AGTPBP1: variants seen among roughly 807,000 people sequenced by gnomAD.
AGTPBP1 encodes cytosolic carboxypeptidase 1.
A neutral mutation model predicts 143.9 loss-of-function variants in AGTPBP1; 70 were observed. The observed-to-expected ratio is 0.49, with a 90% confidence interval of 0.40 to 0.59. The LOEUF (loss-of-function observed/expected upper bound fraction) is 0.59, where lower values mean the gene tolerates loss of function less well. Ranked by LOEUF, AGTPBP1 falls within the 20% of genes least tolerant of loss-of-function variation. AGTPBP1 has a pLI of 0.00. For missense variants in AGTPBP1, 1,229 were observed against 1,464.5 expected (o/e 0.84, Z 2.62); for synonymous variants, 463 against 500.2 (o/e 0.93, Z 0.99).
the AGTPBP1 span, among the ~76,000 whole-genome samples, chr9:85,780,603 C>G: frequency 1.3e-5 from 2 of 152,020 alleles, no homozygotes. Context: ...TTCTGGTGTT[C>G]TAAGGATAGG....
chr9:85,796,342 T>A, the AGTPBP1 span, among the ~76,000 whole-genome samples: 1 of 152,218 alleles, frequency 6.6e-6, no homozygotes, highest in African/African-American at 2.4e-5. Context: ...CATCAGTGGT[T>A]TAATATGTTA....
chr9:85,803,880 A>G, the AGTPBP1 span, among the ~76,000 whole-genome samples: 1 of 152,094 alleles, frequency 6.6e-6, no homozygotes, highest in Non-Finnish European at 1.5e-5. Flanking sequence ...TCTCTCTTGC[A>G]ATTATCTAGA....
the AGTPBP1 span, among the ~76,000 whole-genome samples, chr9:85,758,416 G>A: frequency 1.3e-5 from 2 of 152,170 alleles, no homozygotes; most frequent in East Asian, 1.9e-4. Flanking sequence ...AGGCCAAGGC[G>A]GGCAGGTCAC....
chr9:85,596,542 G>A, intron 17 of AGTPBP1, 93 bp from the exon 18 acceptor site: 1 of 760,430 alleles, frequency 1.3e-6, no homozygotes, highest in East Asian at 2.9e-5. Flanking sequence ...AAACATTCAG[G>A]AAAGCAGAAG....
At chr9:85,739,011 G>A (rs1824028794) in intron 1 of AGTPBP1, among the ~76,000 whole-genome samples, 1 of 152,098 alleles carries the variant, frequency 6.6e-6, no homozygotes, top group Non-Finnish European at 1.5e-5. Context: ...TATCTTAAGA[G>A]TATACACTAA....
chr9:85,743,782 A>C (rs1220925642), upstream of AGTPBP1, among the ~76,000 whole-genome samples: 3 of 152,160 alleles, frequency 2.0e-5, no homozygotes, highest in Admixed American at 1.3e-4. Flanking sequence ...GTCCACCAAC[A>C]CTGGCACAGC....
At chr9:85,584,139 CT>C (rs201097911) in intron 23 of AGTPBP1, among the ~76,000 whole-genome samples, 2,562 of 152,056 alleles carry the variant, frequency 0.017, 31 homozygotes, top group Middle Eastern at 0.054. Context: ...ATTTTCTTAT[CT>C]TTTTTTTATG....
At chr9:85,574,196 T>C (rs1185617436) in intron 25 of AGTPBP1, among the ~76,000 whole-genome samples, 1 of 152,102 alleles carries the variant, frequency 6.6e-6, no homozygotes. Context: ...CTCTGAAACA[T>C]GTGCTGTGTC....
Position 85,740,354 on chromosome 9 carries a change from TAA to T in AGTPBP1, c.-34+1419_-34+1420del, listed in dbSNP as rs1564201518. Reference sequence around the variant, plus strand: ...TGTAACTTCACCATAGAATTTAACTTAAGAGAAGTGGAATGGGAAAAAGAGCA... The same window carrying T: ...TGTAACTTCACCATAGAATTTAACTTGAGAAGTGGAATGGGAAAAAGAGCA... On this transcript the variant is annotated intron_variant, in intron 1 of 25. Transcript: ENST00000357081. Among the ~76,000 whole-genome samples the T allele has an allele frequency of 7.2e-5, 11 of 152,314 alleles. No individual in the cohort carries two copies. The South Asian group carries it at 2.1e-3, about 29-fold the overall frequency.
chr9:85,706,703 T>C (rs1360588916), intron 2 of AGTPBP1, among the ~76,000 whole-genome samples: 4 of 150,674 alleles, frequency 2.7e-5, no homozygotes, highest in Admixed American at 2.0e-4. Flanking sequence ...ACCTCATCTC[T>C]ACTAAAAATA....
intron 17 of AGTPBP1, among the ~76,000 whole-genome samples, chr9:85,608,345 G>A (rs763504118): frequency 5.9e-5 from 9 of 151,874 alleles, no homozygotes; most frequent in Admixed American, 2.6e-4. Context: ...AGCAGAAATC[G>A]ACAGGGACAT....
chr9:85,654,198 G>C (rs972388446), intron 11 of AGTPBP1, among the ~76,000 whole-genome samples: 2 of 151,842 alleles, frequency 1.3e-5, no homozygotes, highest in Non-Finnish European at 2.9e-5. Context: ...GTAATAAACT[G>C]ATAAGAAAAT....
At position 85,589,659 on chromosome 9, in the gene AGTPBP1, G is replaced by A; in HGVS notation, c.2591C>T (p.Ser864Leu). 1 of 1,603,638 alleles carries A rather than the reference G, an allele frequency of 6.2e-7. No homozygotes were observed. Among genetic ancestry groups the A allele is most frequent in the Non-Finnish European group, 8.5e-7 (1 of 1,177,212 alleles). ...ATAGATTTGCTGAGGATTGTGTGCT[G>A]ATTCCAATTTTTGAAGATGCATCTT... ...TLQMHLQKLESAHNPQQIYFR... is the reference protein window; with the variant it reads ...TLQMHLQKLELAHNPQQIYFR... Residue 864 changes from serine (S) to leucine (L), a missense_variant, in exon 20 of 26, where the codon TCA (serine) becomes TTA (leucine). Transcript: ENST00000357081.
At chr9:85,742,539 A>T (rs957739640), upstream of AGTPBP1, among the ~76,000 whole-genome samples, 7 of 152,152 alleles carry the variant, frequency 4.6e-5, no homozygotes, top group African/African-American at 1.7e-4. Flanking sequence ...GCTCCCAGAA[A>T]ACAACAGGAT....
intron 23 of AGTPBP1, among the ~76,000 whole-genome samples, chr9:85,585,039 A>G (rs1828518918): frequency 6.6e-6 from 1 of 152,226 alleles, no homozygotes; most frequent in Non-Finnish European, 1.5e-5. Context: ...AGAACAAGAA[A>G]GGAAAATTTG....
the AGTPBP1 span, among the ~76,000 whole-genome samples, chr9:85,772,476 G>T: frequency 5.3e-5 from 8 of 152,210 alleles, no homozygotes; most frequent in Non-Finnish European, 8.8e-5. Flanking sequence ...GGCTGGGTGT[G>T]GTGGCTCACG....
At chr9:85,743,925 T>C (rs535738272), upstream of AGTPBP1, among the ~76,000 whole-genome samples, 9 of 88,554 alleles carry the variant, frequency 1.0e-4, no homozygotes, top group South Asian at 2.9e-3. Context: ...TCTTTTTCTT[T>C]CTTTTTTTTT....
chr9:85,804,413 G>A, the AGTPBP1 span, among the ~76,000 whole-genome samples: 1 of 152,180 alleles, frequency 6.6e-6, no homozygotes, highest in South Asian at 2.1e-4. Flanking sequence ...TTATCCCCAA[G>A]ACAGATATAC....
Position 85,632,785 on chromosome 9 carries a change from A to C in AGTPBP1, c.1892T>G (p.Ile631Ser). ...GPTLHDPDLYIEIVKNTKSVP... is the reference protein window; with the variant it reads ...GPTLHDPDLYSEIVKNTKSVP... ...AGACTTCGTATTTTTCACAATCTCAATATAGAGGTCTGGGTCATGGAGTGT... is the reference window on the plus strand; with the variant it reads ...AGACTTCGTATTTTTCACAATCTCACTATAGAGGTCTGGGTCATGGAGTGT... Residue 631 changes from isoleucine to serine, a missense_variant, in exon 14 of 26, where the codon ATT becomes AGT. By Grantham distance (142) the Ile-to-Ser change is moderately radical (BLOSUM62 -2). Transcript: ENST00000357081. The C allele has an allele frequency of 6.2e-7, 1 of 1,614,132 alleles. No individual in the cohort carries two copies.
Sources: gnomAD v4.1 joint callset for allele counts (sites outside exome capture counted in the v4.1 genomes callset) on GRCh38, gnomAD v4.1.1 for gene constraint, MANE v1.5 for transcripts, NCBI Gene and HGNC (gene_info 2026-07-23, HGNC 2026-07-21) for gene names.